Variants in TLN2 observed in about 807,000 individuals in gnomAD.
TLN2 encodes the protein talin-2.
In TLN2, 118 loss-of-function variants were observed where a neutral mutation model predicts 294.7. The observed-to-expected ratio is 0.40, with a 90% CI of 0.34 to 0.47. The LOEUF (loss-of-function observed/expected upper bound fraction) is 0.47, where lower values mean the gene tolerates loss of function less well. TLN2 is among the 20% of genes least tolerant of loss of function. TLN2 has a pLI of 0.84. For missense variants in TLN2, 3,083 were observed against 3,282.2 expected, an observed-to-expected ratio of 0.94 and a Z score of 1.48; for synonymous variants, 1,431 against 1,304.5, an observed-to-expected ratio of 1.10 and a Z score of -2.09.
chr15:62,803,463 C>T (rs1228185768), intron 50 of TLN2, among the ~76,000 whole-genome samples: 1 of 152,150 alleles, frequency 6.6e-6, no homozygotes, highest in Non-Finnish European at 1.5e-5. Flanking sequence ...CCTTTTGAAG[C>T]TATTTTCTAG....
intron 1 of TLN2, among the ~76,000 whole-genome samples, chr15:62,518,252 C>G (rs1004608297): frequency 1.3e-5 from 2 of 152,024 alleles, no homozygotes; most frequent in Admixed American, 1.3e-4. Flanking sequence ...TTGGTCAGGC[C>G]GGTGTTGAAC....
chr15:62,789,615 C>A (rs529763558), intron 45 of TLN2, among the ~76,000 whole-genome samples: 1 of 152,306 alleles, frequency 6.6e-6, no homozygotes, highest in East Asian at 1.9e-4. Flanking sequence ...TTCAAGACAG[C>A]TCAAGAGCGG....
At chr15:62,683,173 G>C (rs34716172) in intron 11 of TLN2, 70,368 of 152,198 alleles carry the variant, frequency 0.46, 18,567 homozygotes, top group Middle Eastern at 0.63. Flanking sequence ...TTTGGGCTTG[G>C]GCCATATTGA....
In TLN2 at chr15:62,444,209, T is replaced by G. The variant is rs557452120; in HGVS notation, c.-238+53524T>G. On this transcript the variant is annotated intron_variant, in intron 1 of 58. Coordinates refer to ENST00000636159, the MANE Select transcript of TLN2 (RefSeq NM_015059.3). ...TTGAGGAGGAGGGTGAGGCTAGTAA[T>G]TCTGGATGCTGCTTAGAGGGCAGGA... is the stretch of plus-strand genomic sequence containing the variant. Among the ~76,000 whole-genome samples the G allele has an allele frequency of 2.5e-4, 38 of 152,260 alleles. 2 individuals are homozygous for G. The highest frequency in any genetic ancestry group is 9.1e-4 in the African/African-American group (38 of 41,560).
chr15:62,675,144 G>A (rs1198621701), intron 10 of TLN2, 73 bp from the exon 11 acceptor site: 2 of 1,410,290 alleles, frequency 1.4e-6, no homozygotes, highest in Admixed American at 3.5e-5. Context: ...ACCACATACA[G>A]TAACTACCTC....
chr15:62,439,086 G>C (rs1365125226), intron 1 of TLN2, among the ~76,000 whole-genome samples: 1 of 152,174 alleles, frequency 6.6e-6, no homozygotes, highest in Non-Finnish European at 1.5e-5. Context: ...TATGTATACA[G>C]TATAATTAGG....
At chr15:62,794,081 A>G (rs1338083110) in intron 46 of TLN2, among the ~76,000 whole-genome samples, 1 of 152,060 alleles carries the variant, frequency 6.6e-6, no homozygotes, top group Non-Finnish European at 1.5e-5. Flanking sequence ...TTCCCCCATA[A>G]AAGGCCTTAT....
chr15:62,708,677 A>G lies in TLN2; in HGVS notation c.2348A>G (p.Asp783Gly). Residue 783 changes from aspartate to glycine, a missense_variant, in exon 21 of 59, where the codon GAT becomes GGT. Transcript: ENST00000636159. ...AGCGTGGTCAGCCAGGCCCTCCATG[A>G]TCTCCTGCAGCATGTGCGGCAGTTT... Reference protein sequence around the residue: ...AASVVSQALHDLLQHVRQFAS... With the variant: ...AASVVSQALHGLLQHVRQFAS... 1 of 1,614,046 alleles carries G rather than the reference A, an allele frequency of 6.2e-7. No homozygotes were observed. The highest frequency in any genetic ancestry group is 8.5e-7 in the Non-Finnish European group (1 of 1,180,024).
chr15:62,586,864 T>C (rs2045651693), intron 1 of TLN2, among the ~76,000 whole-genome samples: 1 of 152,244 alleles, frequency 6.6e-6, no homozygotes, highest in Non-Finnish European at 1.5e-5. Flanking sequence ...GCTTTGAGCT[T>C]CTTCAGTTAC....
chr15:62,396,081 G>C (rs535200220), intron 1 of TLN2, among the ~76,000 whole-genome samples: 59 of 152,160 alleles, frequency 3.9e-4, no homozygotes, highest in African/African-American at 1.3e-3. Context: ...TGATCCACCC[G>C]CCTTGGCCTC....
At chr15:62,643,068 C>G (rs1292656419) in intron 3 of TLN2, among the ~76,000 whole-genome samples, 1 of 151,972 alleles carries the variant, frequency 6.6e-6, no homozygotes, top group Non-Finnish European at 1.5e-5. Context: ...GTCCTTTTTG[C>G]CAGGTACTTA....
At chr15:62,518,820 A>G (rs2040315030) in intron 1 of TLN2, among the ~76,000 whole-genome samples, 2 of 151,806 alleles carry the variant, frequency 1.3e-5, no homozygotes, top group Non-Finnish European at 2.9e-5. Flanking sequence ...CTGGTCTCGA[A>G]CTCTTGACCT....
intron 2 of TLN2, among the ~76,000 whole-genome samples, chr15:62,599,079 G>T (rs1349383437): frequency 6.6e-6 from 1 of 152,170 alleles, no homozygotes. Context: ...AGGCCAGGGT[G>T]GTGGCGTTAA....
chr15:62,498,993 GAT>G (rs980619594), intron 1 of TLN2, among the ~76,000 whole-genome samples: 1 of 152,138 alleles, frequency 6.6e-6, no homozygotes, highest in Non-Finnish European at 1.5e-5. Flanking sequence ...AGACCAAGAA[GAT>G]ATGGTCTTTG....
chr15:62,508,040 C>T (rs1232173879), intron 1 of TLN2, among the ~76,000 whole-genome samples: 1 of 151,744 alleles, frequency 6.6e-6, no homozygotes, highest in African/African-American at 2.4e-5. Context: ...TCTGGAATCA[C>T]CAAGAGGCTT....
At chr15:62,828,212 G>A (rs2068410139) in intron 54 of TLN2, 1 of 152,382 alleles carries the variant, frequency 6.6e-6, no homozygotes, top group Non-Finnish European at 1.5e-5. Flanking sequence ...CAGGGAAGAG[G>A]TCAACTACAG....
intron 33 of TLN2, among the ~76,000 whole-genome samples, chr15:62,748,922 G>GTACT (rs1477346882): frequency 6.6e-6 from 1 of 152,218 alleles, no homozygotes; most frequent in Non-Finnish European, 1.5e-5. Flanking sequence ...AGGACTAACA[G>GTACT]TACTTACACA....
At chr15:62,584,153 A>G (rs914675158) in intron 1 of TLN2, among the ~76,000 whole-genome samples, 1 of 152,242 alleles carries the variant, frequency 6.6e-6, no homozygotes, top group Non-Finnish European at 1.5e-5. Flanking sequence ...TGCGTGGGAC[A>G]CTGGTCCCAA....
chr15:62,698,429 G>A (rs2058503331), intron 15 of TLN2, among the ~76,000 whole-genome samples: 1 of 152,250 alleles, frequency 6.6e-6, no homozygotes, highest in South Asian at 2.1e-4. Context: ...CTGTGCGTGA[G>A]GAGGTCCTCA....
Sources: allele counts gnomAD v4.1 joint callset (sites outside exome capture counted in the v4.1 genomes callset), GRCh38; gene constraint gnomAD v4.1.1; transcripts MANE v1.5; gene names NCBI Gene and HGNC (gene_info 2026-07-23, HGNC 2026-07-21).